The following PRDM16 variants were observed in gnomAD, a reference collection of about 807,000 sequenced individuals.
The protein encoded by PRDM16 is PR/SET domain 16.
Under a neutral mutation model 110.6 loss-of-function variants are expected in PRDM16, and 23 were observed. The observed-to-expected ratio is 0.21, with a 90% confidence interval of 0.15 to 0.29. The LOEUF (loss-of-function observed/expected upper bound fraction) is 0.29. Among genes scored for constraint, PRDM16 ranks in the 10% least tolerant of loss-of-function variants. The probability of loss-of-function intolerance (pLI) is 1.00; values close to 1 mark genes in which losing one functional copy is unlikely to be tolerated. For synonymous variants in PRDM16, 799 were observed against 781.8 expected (o/e 1.02, Z -0.37); for missense variants, 1,615 against 1,794.3 (o/e 0.90, Z 1.81).
At chr1:3,178,166 A>C (rs1569769843) in intron 1 of PRDM16, among the ~76,000 whole-genome samples, 1 of 152,218 alleles carries the variant, frequency 6.6e-6, no homozygotes. Context: ...CGTGGCAATA[A>C]GACGGCAAGG....
rs1643287255 is a variant in PRDM16, at chr1:3,390,832, G to GT, written c.573+5547dup. Among the ~76,000 whole-genome samples the GT allele has an allele frequency of 2.4e-5, 3 of 122,984 alleles. No individual in the cohort carries two copies. The highest frequency in any genetic ancestry group is 5.9e-5 in the African/African-American group (2 of 33,718). The allele number at this position is 122,984 out of a possible 152,430, so 80.7% of individuals were successfully genotyped here. ...TCCCTTTGCTTTTATCTCTCACAGT[G>GT]TGTTTTTTTTTTTTTTTTTTTAGAC... is the stretch of plus-strand genomic sequence containing the variant. On this transcript the variant is annotated intron_variant, in intron 4 of 16. Transcript: ENST00000270722. This position sits in a 1 kb window ranked among gnomAD's most constrained non-coding sequence, Gnocchi z 5.0.
chr1:3,173,943 G>GGGCCCGTGCTAT (rs554483008), intron 1 of PRDM16, among the ~76,000 whole-genome samples: 1 of 152,222 alleles, frequency 6.6e-6, no homozygotes, highest in Admixed American at 6.5e-5. Flanking sequence ...GTTCTCGGCC[G>GGGCCCGTGCTAT]GGCCCGTGCT....
At chr1:3,216,247 C>T (rs980862862) in intron 2 of PRDM16, among the ~76,000 whole-genome samples, 1 of 152,162 alleles carries the variant, frequency 6.6e-6, no homozygotes, top group Non-Finnish European at 1.5e-5. Context: ...AGTGTCCAGG[C>T]CCCCGAGATG....
chr1:3,125,197 G>A (rs1015466371), intron 1 of PRDM16, among the ~76,000 whole-genome samples: 1 of 152,246 alleles, frequency 6.6e-6, no homozygotes, highest in Non-Finnish European at 1.5e-5. Context: ...GAGAATGCTG[G>A]GCTTCCTCAG....
intron 2 of PRDM16, among the ~76,000 whole-genome samples, chr1:3,205,239 G>A (rs1638728341): frequency 4.6e-5 from 7 of 152,140 alleles, no homozygotes; most frequent in Admixed American, 4.6e-4. Context: ...TGCAGCCACA[G>A]GGCACCCACC....
At chr1:3,194,061 A>G (rs1394508407) in intron 2 of PRDM16, among the ~76,000 whole-genome samples, 1 of 152,172 alleles carries the variant, frequency 6.6e-6, no homozygotes, top group East Asian at 1.9e-4. Flanking sequence ...GCTGACCTAG[A>G]TAGGAGGAGT....
chr1:3,225,580 G>C (rs572127225), intron 2 of PRDM16, among the ~76,000 whole-genome samples: 1 of 144,102 alleles, frequency 6.9e-6, no homozygotes, highest in Non-Finnish European at 1.5e-5. Flanking sequence ...GTGTGCGCGC[G>C]CGCAGAAGGA....
intron 3 of PRDM16, among the ~76,000 whole-genome samples, chr1:3,292,690 G>A (rs1322076959): frequency 6.6e-6 from 1 of 152,230 alleles, no homozygotes; most frequent in Non-Finnish European, 1.5e-5. Context: ...TTCCTGTGGG[G>A]TGGAGGTTTG....
intron 1 of PRDM16, among the ~76,000 whole-genome samples, chr1:3,149,282 TGAA>T: frequency 6.6e-6 from 1 of 152,128 alleles, no homozygotes; most frequent in East Asian, 1.9e-4. Context: ...TCCTTCCTCC[TGAA>T]GAAGATGAAG....
chr1:3,070,827 C>T (rs1641738153), intron 1 of PRDM16, among the ~76,000 whole-genome samples: 1 of 152,192 alleles, frequency 6.6e-6, no homozygotes, highest in Non-Finnish European at 1.5e-5. Flanking sequence ...TTGTGCCGGA[C>T]GCTCCTGCGC....
At chr1:3,107,144 C>T (rs527418574) in intron 1 of PRDM16, among the ~76,000 whole-genome samples, 37 of 152,310 alleles carry the variant, frequency 2.4e-4, no homozygotes, top group Non-Finnish European at 4.1e-4. Context: ...GGAAGGAAGC[C>T]GAGGGCCCAG....
intron 14 of PRDM16, 92 bp downstream of exon 14, chr1:3,426,317 C>T (rs1638603745): frequency 4.6e-6 from 5 of 1,088,350 alleles, no homozygotes; most frequent in Non-Finnish European, 6.8e-6. Context: ...CACCCCAGCA[C>T]CAGCCCCTAA....
intron 6 of PRDM16, among the ~76,000 whole-genome samples, 176 bp downstream of exon 6, chr1:3,403,174 G>A (rs1211590443): frequency 6.6e-6 from 1 of 152,174 alleles, no homozygotes; most frequent in East Asian, 1.9e-4. Flanking sequence ...TGCCCCTTCT[G>A]GGACACTGGC....
rs533178261 is a variant in PRDM16 at position 3,417,543 on chromosome 1, A to G, written c.2692-285A>G. Among the ~76,000 whole-genome samples, 338 of 152,326 alleles carry G rather than the reference A, an allele frequency of 2.2e-3. 2 individuals are homozygous for G. The highest frequency in any genetic ancestry group is 7.9e-3 in the African/African-American group (329 of 41,574). The stretch of plus-strand genomic sequence containing the variant: ...ACCTGTATCACTCAGGTCCCGCCCA[A>G]ACCGGGCAGTGAGGCTGGTTGCTAA... On this transcript the variant is annotated intron_variant, in intron 10 of 16. Coordinates refer to ENST00000270722, the MANE Select transcript of PRDM16 (RefSeq NM_022114.4).
At chr1:3,093,196 G>A (rs535158901) in intron 1 of PRDM16, among the ~76,000 whole-genome samples, 1 of 152,308 alleles carries the variant, frequency 6.6e-6, no homozygotes, top group African/African-American at 2.4e-5. Context: ...CAGGCTGGCT[G>A]ATGTCAGGAG....
intron 3 of PRDM16, among the ~76,000 whole-genome samples, chr1:3,352,694 G>C (rs1177801440): frequency 6.6e-6 from 1 of 152,220 alleles, no homozygotes; most frequent in Non-Finnish European, 1.5e-5. Flanking sequence ...AGGCCGTTCA[G>C]GCCCTAAATA....
At chr1:3,099,719 C>A (rs2981869) in intron 1 of PRDM16, among the ~76,000 whole-genome samples, 3 of 152,104 alleles carry the variant, frequency 2.0e-5, no homozygotes, top group Admixed American at 1.3e-4. Context: ...GCTGGGGCCA[C>A]CCACCAGGCC....
Position 3,162,506 on chromosome 1 carries a change from G to A in PRDM16, c.38-23619G>A, listed in dbSNP as rs963929045. ...GAGCCCACTCCTGCCCCTTCCCCCC[G>A]GCTGAGGTCGCAGGCCCACGAAGGT... On this transcript the variant is annotated intron_variant, in intron 1 of 16. Transcript: ENST00000270722. 3.9e-5 allele frequency among the ~76,000 whole-genome samples: 6 copies of A among 152,186 alleles called. No individual in the cohort carries two copies. The East Asian group carries it at 5.8e-4, about 15-fold the overall frequency.
intron 1 of PRDM16, among the ~76,000 whole-genome samples, chr1:3,123,760 C>G (rs768627418): frequency 6.6e-6 from 1 of 152,254 alleles, no homozygotes; most frequent in East Asian, 1.9e-4. Context: ...AGGGTGCTCA[C>G]GGGGTGCCCC....
Sources: gnomAD v4.1 joint callset for allele counts (sites outside exome capture counted in the v4.1 genomes callset) on GRCh38, gnomAD v4.1.1 for gene constraint, Gnocchi (gnomAD v3.1) non-coding constraint, MANE v1.5 for transcripts, NCBI Gene and HGNC (gene_info 2026-07-23, HGNC 2026-07-21) for gene names.